Variants in DMD observed in about 807,000 individuals in gnomAD.
DMD encodes the protein dystrophin.
A neutral mutation model predicts 330.1 loss-of-function variants in DMD; 63 were observed. That is an observed-to-expected ratio of 0.19 (90% confidence interval 0.16 to 0.24). The LOEUF (loss-of-function observed/expected upper bound fraction) is 0.24, where lower values mean the gene tolerates loss of function less well. DMD is among the 10% of genes least tolerant of loss of function. The pLI, the probability that DMD is intolerant of heterozygous loss-of-function variation, is 1.00. For missense variants in DMD, 3,344 were observed against 2,684.1 expected (o/e 1.25, Z -5.43); for synonymous variants, 1,223 against 959.8 (o/e 1.27, Z -5.07).
intron 74 of DMD, among the ~76,000 whole-genome samples, chrX:31,154,326 C>T (rs1485278656): frequency 1.8e-5 from 2 of 109,674 alleles, no homozygotes; most frequent in African/African-American, 6.7e-5. Flanking sequence ...GACGGAATCT[C>T]GCTCTGTCGC....
Position 32,412,302 on chromosome X carries a change from C to A in DMD, c.4072-389G>T, listed in dbSNP as rs16990318. On this transcript the variant is annotated intron_variant, in intron 29 of 78. Transcript: ENST00000357033. ...GCTTAGAATAGGGTCATCGTCATCACAATCCAATTCAAGACAGATAATCTG... is the reference window on the plus strand; with the variant it reads ...GCTTAGAATAGGGTCATCGTCATCAAAATCCAATTCAAGACAGATAATCTG... 4.0e-3 allele frequency: 3,148 copies of A among 787,813 alleles called. 79 individuals carry two copies. In the African/African-American group the frequency reaches 0.062, roughly 16 times the overall value. The allele number at this position is 787,813 out of a possible 1,213,427, so 64.9% of individuals were successfully genotyped here. A position where few individuals can be genotyped will look rare whatever the true frequency, so the allele number is the denominator to read the frequency against.
intron 7 of DMD, among the ~76,000 whole-genome samples, chrX:32,720,544 C>A (rs2066186211): frequency 9.0e-6 from 1 of 111,507 alleles, no homozygotes; most frequent in African/African-American, 3.3e-5. Flanking sequence ...AATTTATTAT[C>A]TTGGTCCATG....
At chrX:31,729,007 C>T (rs950527383) in intron 52 of DMD, among the ~76,000 whole-genome samples, 24 of 111,446 alleles carry the variant, frequency 2.2e-4, no homozygotes, top group Non-Finnish European at 9.4e-5. Context: ...TGGAAACTCA[C>T]TGACACAACA....
At chrX:31,553,299 A>G (rs1433989779) in intron 55 of DMD, among the ~76,000 whole-genome samples, 1 of 112,475 alleles carries the variant, frequency 8.9e-6, no homozygotes, top group African/African-American at 3.2e-5. Context: ...TTCCTCTCTC[A>G]TTAGTGGTCC....
At chrX:33,071,420 A>AT (rs1369167101) in intron 1 of DMD, among the ~76,000 whole-genome samples, 3 of 95,879 alleles carry the variant, frequency 3.1e-5, no homozygotes, top group African/African-American at 1.2e-4. Flanking sequence ...CTCTGTCCTG[A>AT]TTAAAAAAAA....
At position 31,875,179 on chromosome X, in the gene DMD, G is replaced by T. The variant is rs371632583; in HGVS notation, c.7098+9C>A. The stretch of plus-strand genomic sequence containing the variant: ...AAGACAAAAATATTTAAAGCAAAAA[G>T]TTCCCTACCTTAACGTCAAATGGTC... On this transcript the variant is annotated intron_variant, in intron 48 of 78. Transcript: ENST00000357033. 4.2e-6 allele frequency: 5 copies of T among 1,195,798 alleles called. No homozygotes were observed. The highest frequency in any genetic ancestry group is 3.5e-5 in the African/African-American group (2 of 56,746).
At chrX:31,574,349 T>G (rs939042264) in intron 55 of DMD, among the ~76,000 whole-genome samples, 1 of 109,716 alleles carries the variant, frequency 9.1e-6, no homozygotes, top group Admixed American at 9.8e-5. Flanking sequence ...TTCACCATGT[T>G]AGCCAGGATG....
At chrX:32,578,036 A>G (rs1036352243) in intron 13 of DMD, among the ~76,000 whole-genome samples, 1 of 112,408 alleles carries the variant, frequency 8.9e-6, no homozygotes, top group Non-Finnish European at 1.9e-5. Context: ...TTGGAAGACT[A>G]TATCCCTCAG....
At chrX:31,676,560 C>A (rs1363034903) in intron 53 of DMD, among the ~76,000 whole-genome samples, 1 of 111,309 alleles carries the variant, frequency 9.0e-6, no homozygotes, top group Non-Finnish European at 1.9e-5. Flanking sequence ...TTACATGAGT[C>A]TTTTTCAGAT....
chrX:31,854,729 G>A (rs1292121878), intron 48 of DMD, among the ~76,000 whole-genome samples: 1 of 111,468 alleles, frequency 9.0e-6, no homozygotes, highest in African/African-American at 3.3e-5. Context: ...TGAATCCTAC[G>A]GCTCAGAACG....
At chrX:33,094,900 T>G in intron 1 of DMD, among the ~76,000 whole-genome samples, 1 of 111,147 alleles carries the variant, frequency 9.0e-6, no homozygotes, top group Non-Finnish European at 1.9e-5. Context: ...GATTTTAGGT[T>G]AAAGGGGTAG....
At chrX:32,491,192 C>A in intron 20 of DMD, 85 bp downstream of exon 20, 1 of 1,111,810 alleles carries the variant, frequency 9.0e-7, no homozygotes, top group Non-Finnish European at 1.2e-6. Context: ...CGTTTCATTA[C>A]TAAATAATTT....
At chrX:31,654,078 C>T (rs1437235609) in intron 54 of DMD, among the ~76,000 whole-genome samples, 3 of 112,142 alleles carry the variant, frequency 2.7e-5, no homozygotes, top group Non-Finnish European at 5.6e-5. Flanking sequence ...TATTAATAAA[C>T]TTAAACAGCA....
chrX:32,956,252 G>T (rs775902393), intron 2 of DMD, among the ~76,000 whole-genome samples: 1 of 111,666 alleles, frequency 9.0e-6, no homozygotes, highest in South Asian at 3.7e-4. Context: ...AATAAATTGC[G>T]TTGAGCAGTG....
intron 1 of DMD, among the ~76,000 whole-genome samples, chrX:33,037,140 G>T (rs1264693942): frequency 9.0e-6 from 1 of 111,707 alleles, no homozygotes; most frequent in Non-Finnish European, 1.9e-5. Flanking sequence ...TTCCACATTT[G>T]ATAAAGATAG....
intron 60 of DMD, among the ~76,000 whole-genome samples, chrX:31,366,484 A>ATAAAT (rs2059245222): frequency 9.9e-6 from 1 of 100,527 alleles, no homozygotes; most frequent in African/African-American, 3.8e-5. Context: ...AAAAAAAAAA[A>ATAAAT]AAAAAAAAAA....
intron 44 of DMD, among the ~76,000 whole-genome samples, chrX:32,023,898 A>G (rs1366703227): frequency 9.0e-6 from 1 of 111,074 alleles, no homozygotes; most frequent in Non-Finnish European, 1.9e-5. Flanking sequence ...GTGCACATGG[A>G]CATAAAGACA....
At chrX:33,233,560 C>G (rs772236586) in intron 1 of DMD, among the ~76,000 whole-genome samples, 7 of 112,402 alleles carry the variant, frequency 6.2e-5, no homozygotes, top group Non-Finnish European at 1.1e-4. Flanking sequence ...GATTAAATAC[C>G]ATACAATTCT....
chrX:31,815,449 C>CAAAAAA (rs772005297), intron 50 of DMD, among the ~76,000 whole-genome samples: 1 of 97,650 alleles, frequency 1.0e-5, no homozygotes, highest in African/African-American at 3.9e-5. Context: ...GACTCAGTCT[C>CAAAAAA]AAAAAAAAAG....
Sources: allele counts gnomAD v4.1 joint callset (sites outside exome capture counted in the v4.1 genomes callset), GRCh38; gene constraint gnomAD v4.1.1; transcripts MANE v1.5; gene names NCBI Gene and HGNC (gene_info 2026-07-23, HGNC 2026-07-21).